The following NUCB1 variants were observed in gnomAD, a reference collection of about 807,000 sequenced individuals.
NUCB1 encodes nucleobindin-1.
NUCB1 carries 47 observed loss-of-function variants against 61.2 expected under a neutral mutation model. The ratio of observed to expected loss-of-function variants is 0.77; its 90% confidence interval spans 0.61 to 0.98. The LOEUF (loss-of-function observed/expected upper bound fraction) is 0.98. Ranked by LOEUF, NUCB1 falls within the 50% of genes least tolerant of loss-of-function variation. The pLI is 0.00. For missense variants in NUCB1, 583 were observed against 605.3 expected (o/e 0.96, Z 0.39); for synonymous variants, 234 against 243.1 (o/e 0.96, Z 0.35).
chr19:48,908,254 CTGAG>C (rs1406681049), intron 4 of NUCB1, among the ~76,000 whole-genome samples: 1 of 152,144 alleles, frequency 6.6e-6, no homozygotes, highest in East Asian at 1.9e-4. Context: ...CCTCAGCCTC[CTGAG>C]TATCTGGGAT....
At chr19:48,903,814 G>GTGGA (rs1421501577) in intron 2 of NUCB1, among the ~76,000 whole-genome samples, 8 of 141,446 alleles carry the variant, frequency 5.7e-5, no homozygotes, top group African/African-American at 2.1e-4. Flanking sequence ...GGATAGGTGG[G>GTGGA]TGGATGGATG....
At chr19:48,913,323 G>C (rs1255514727) in intron 6 of NUCB1, 127 bp downstream of exon 6, 8 of 1,214,022 alleles carry the variant, frequency 6.6e-6, no homozygotes, top group Non-Finnish European at 9.3e-6. Flanking sequence ...TACTGTACCT[G>C]GCTGCCCCAG....
rs2037622943 is a variant in NUCB1 at position 48,922,478 on chromosome 19, C to T, written c.*54C>T. 3.5e-6 allele frequency: 5 copies of T among 1,443,750 alleles called. No individual in the cohort carries two copies. The highest frequency in any genetic ancestry group is 2.8e-5 in the African/African-American group (2 of 71,470). 89.4% of individuals were successfully genotyped at this position (1,443,750 alleles called of 1,614,324 possible). A position where few individuals can be genotyped will look rare whatever the true frequency, so the allele number is the denominator to read the frequency against. ...CTGATGCTCCAAGGCGACTGATGGG[C>T]GCTGGATGAAGTGGCACAGTCAGCT... On this transcript the variant is annotated 3_prime_UTR_variant, in exon 13 of 13. Transcript: ENST00000405315.
At chr19:48,911,040 T>C (rs1250026752) in intron 4 of NUCB1, 109 bp from the exon 5 acceptor site, 1 of 746,108 alleles carries the variant, frequency 1.3e-6, no homozygotes, top group East Asian at 2.8e-5. Context: ...TCAAGCTGTC[T>C]TCTGGGCTTC....
In NUCB1 at chr19:48,922,542, G is replaced by T. The variant is rs2037623852; in HGVS notation, c.*118G>T. On this transcript the variant is annotated 3_prime_UTR_variant, in exon 13 of 13. Transcript: ENST00000405315. ...GTGTCATGTTGGGCTCCTGGGGCGGGGGCACGGCCTGGCATTTCACGCATT... is the reference window on the plus strand; with the variant it reads ...GTGTCATGTTGGGCTCCTGGGGCGGTGGCACGGCCTGGCATTTCACGCATT... 1 of 790,374 alleles carries T rather than the reference G, an allele frequency of 1.3e-6. No individual in the cohort carries two copies. The highest frequency in any genetic ancestry group is 2.1e-6 in the Non-Finnish European group (1 of 479,084). 49.0% of individuals were successfully genotyped at this position (790,374 alleles called of 1,614,324 possible).
chr19:48,908,723 T>G (rs771385919), intron 4 of NUCB1, among the ~76,000 whole-genome samples: 1,205 of 68,392 alleles, frequency 0.018, 11 homozygotes, highest in East Asian at 0.063. Context: ...GACCAAGGGG[T>G]GTGTGTGTGT....
chr19:48,903,929 G>GGTGGGTGGATGGATGGATGA (rs2037384227), intron 2 of NUCB1, among the ~76,000 whole-genome samples: 1 of 149,826 alleles, frequency 6.7e-6, no homozygotes, highest in Non-Finnish European at 1.5e-5. Flanking sequence ...TGGATGGGTG[G>GGTGGGTGGATGGATGGATGA]GTGGGTGGAT....
At chr19:48,912,899 G>T in intron 5 of NUCB1, 112 bp from the exon 6 acceptor site, 1 of 599,700 alleles carries the variant, frequency 1.7e-6, no homozygotes, top group Non-Finnish European at 2.7e-6. Context: ...AAGACAGGTA[G>T]AGGCTGGGGC....
At chr19:48,908,052 C>T (rs2037431119) in intron 4 of NUCB1, among the ~76,000 whole-genome samples, 1 of 152,166 alleles carries the variant, frequency 6.6e-6, no homozygotes, top group South Asian at 2.1e-4. Flanking sequence ...TTATTTGTGT[C>T]CTTGGTATTC....
rs375497763 is a variant in NUCB1 at position 48,905,911 on chromosome 19, C to T, written c.376+26C>T. The T allele has an allele frequency of 7.6e-6, 9 of 1,177,178 alleles. No homozygotes were observed. In the African/African-American group the frequency reaches 1.6e-4, roughly 21 times the overall value. 72.9% of individuals were successfully genotyped at this position (1,177,178 alleles called of 1,614,324 possible). On this transcript the variant is annotated intron_variant, in intron 4 of 12. Transcript: ENST00000405315. ...GTGAGCAGGGGCAGGGCGGGAGGGA[C>T]AGGCAGGGAGGGGTGGGGAAGGGTG...
chr19:48,922,290 T>A, intron 12 of NUCB1, 28 bp from the exon 13 acceptor site: 1 of 1,583,230 alleles, frequency 6.3e-7, no homozygotes, highest in Non-Finnish European at 8.7e-7. Context: ...GGATGTCCTG[T>A]GCCACCATTC....
At chr19:48,908,721 G>GGTGGGGGT (rs780595245) in intron 4 of NUCB1, among the ~76,000 whole-genome samples, 14 of 109,368 alleles carry the variant, frequency 1.3e-4, no homozygotes, top group East Asian at 5.6e-4. Context: ...TTGACCAAGG[G>GGTGGGGGT]GTGTGTGTGT....
chr19:48,904,392 G>C lies in NUCB1; in HGVS notation c.181G>C (p.Val61Leu). The C allele has an allele frequency of 6.2e-7, 1 of 1,613,830 alleles. No homozygotes were observed. The highest frequency in any genetic ancestry group is 1.1e-5 in the South Asian group (1 of 91,074). Residue 61 changes from valine (V) to leucine (L), a missense_variant, in exon 3 of 13, where the codon GTA (valine) becomes CTA (leucine). Physicochemically the swap from Val to Leu is conservative, Grantham distance 32. Coordinates refer to ENST00000405315, the MANE Select transcript of NUCB1 (RefSeq NM_006184.6). ...CCGGTACCTCCAGGAGGTCATCGAT[G>C]TACTGGAGACGGATGGGCATTTCCG... ...YHRYLQEVIDVLETDGHFREK... is the reference protein window; with the variant it reads ...YHRYLQEVIDLLETDGHFREK...
intron 7 of NUCB1, among the ~76,000 whole-genome samples, chr19:48,915,082 A>G (rs1568587133): frequency 1.3e-5 from 2 of 152,248 alleles, no homozygotes; most frequent in South Asian, 4.1e-4. Flanking sequence ...TCCATCTCAA[A>G]AAAACAAAGA....
In NUCB1 at chr19:48,913,723, G is replaced by A. The variant is rs114295581; in HGVS notation, c.757+159G>A. On this transcript the variant is annotated intron_variant, in intron 7 of 12. Transcript: ENST00000405315. ...TTGACCAGACAGCCCTGCCTCTCCC[G>A]ACTACAAGGCTAGGATCTGCATGGA... Among the ~76,000 whole-genome samples, 791 of 152,248 alleles carry A rather than the reference G, an allele frequency of 5.2e-3. 11 individuals carry two copies. Among genetic ancestry groups the A allele is most frequent in the African/African-American group, 0.017 (716 of 41,556 alleles).
intron 7 of NUCB1, among the ~76,000 whole-genome samples, chr19:48,915,693 G>C (rs1221908667): frequency 6.6e-6 from 1 of 152,008 alleles, no homozygotes; most frequent in East Asian, 1.9e-4. Context: ...TAAAGGCAAG[G>C]TTTTACCATG....
chr19:48,908,721 G>GGTGTGTGT (rs57686025), intron 4 of NUCB1, among the ~76,000 whole-genome samples: 6,945 of 109,346 alleles, frequency 0.064, 568 homozygotes, highest in Non-Finnish European at 0.094. Flanking sequence ...TTGACCAAGG[G>GGTGTGTGT]GTGTGTGTGT....
rs773712984 is a variant in NUCB1, at chr19:48,911,257, T to G, written c.480+5T>G. On this transcript the variant is annotated splice_donor_5th_base_variant and intron_variant, in intron 5 of 12. Transcript: ENST00000405315. The stretch of plus-strand genomic sequence containing the variant: ...CTGGAGCTGCTGATCCAGACGGTAA[T>G]GGGAGTGGGTCCGGAGGCAGAGGAT... The G allele has an allele frequency of 1.9e-6, 3 of 1,605,558 alleles. No homozygotes were observed. The Admixed American group carries it at 5.0e-5, about 27-fold the overall frequency.
At chr19:48,917,114 TTGGGAGGCTGAGG>T (rs1209711121) in intron 7 of NUCB1, among the ~76,000 whole-genome samples, 1 of 151,696 alleles carries the variant, frequency 6.6e-6, no homozygotes, top group African/African-American at 2.4e-5. Context: ...TCCCAGCTAC[TTGGGAGGCTGAGG>T]TGGGAGGATC....
Sources: gnomAD v4.1 joint callset for allele counts (sites outside exome capture counted in the v4.1 genomes callset) on GRCh38, gnomAD v4.1.1 for gene constraint, MANE v1.5 for transcripts, NCBI Gene and HGNC (gene_info 2026-07-23, HGNC 2026-07-21) for gene names.